MOGAT2: variants seen among roughly 807,000 people sequenced by gnomAD.
MOGAT2 encodes the protein 2-acylglycerol O-acyltransferase 2.
A neutral mutation model predicts 31.5 loss-of-function variants in MOGAT2; 27 were observed. The observed-to-expected ratio is 0.86, with a 90% confidence interval of 0.63 to 1.18. The LOEUF (loss-of-function observed/expected upper bound fraction) is 1.18. MOGAT2 is among the 50% of genes most tolerant of loss of function. The pLI is 0.00. For missense variants in MOGAT2, 436 were observed against 433.2 expected, an observed-to-expected ratio of 1.01 and a Z score of -0.06; for synonymous variants, 163 against 170.0, an observed-to-expected ratio of 0.96 and a Z score of 0.32.
intron 2 of MOGAT2, among the ~76,000 whole-genome samples, chr11:75,724,639 G>A (rs1332063288): frequency 6.6e-6 from 1 of 151,894 alleles, no homozygotes; most frequent in African/African-American, 2.4e-5. Context: ...TCCAGCCTGG[G>A]TGACAGAGTG....
In MOGAT2 at chr11:75,720,086, C is replaced by T. The variant is rs748862782; in HGVS notation, c.186C>T (p.Asp62=). The change falls in exon 2 of 6, where the codon GAC becomes GAT. Residue 62 remains aspartate (D), a synonymous_variant. Transcript: ENST00000198801. ...LYAAWWYLDR[D]KPRQGGRHIQ... ...CGGCCTGGTGGTATCTGGACCGAGA[C>T]AAGCCACGGCAGGGGGGCCGGCACA... 1.3e-5 allele frequency: 21 copies of T among 1,614,096 alleles called. No homozygotes were observed. The highest frequency in any genetic ancestry group is 1.7e-5 in the Admixed American group (1 of 60,012).
chr11:75,718,484 G>A (rs890546122), intron 1 of MOGAT2, among the ~76,000 whole-genome samples: 4 of 152,272 alleles, frequency 2.6e-5, no homozygotes, highest in African/African-American at 4.8e-5. Context: ...CAGGAAACCC[G>A]GAGTCAGACT....
intron 1 of MOGAT2, 34 bp downstream of exon 1, chr11:75,718,013 C>T: frequency 6.3e-7 from 1 of 1,599,964 alleles, no homozygotes; most frequent in Non-Finnish European, 8.6e-7. Context: ...CGGGAGACCA[C>T]CGCACTCAGG....
intron 5 of MOGAT2, 98 bp downstream of exon 5, chr11:75,729,087 C>CCATTAGGGCAGGAA: frequency 1.8e-6 from 2 of 1,115,968 alleles, no homozygotes; most frequent in Non-Finnish European, 2.7e-6. Flanking sequence ...TATTCCTGCC[C>CCATTAGGGCAGGAA]TAATGGGGCT....
In MOGAT2 at chr11:75,719,992, C is replaced by T. The variant is rs775073027; in HGVS notation, c.92C>T (p.Ala31Val). The T allele has an allele frequency of 6.2e-7, 1 of 1,612,962 alleles. No homozygotes were observed. Among genetic ancestry groups the T allele is most frequent in the African/African-American group, 1.3e-5 (1 of 74,956 alleles). Residue 31 changes from alanine (A) to valine (V), a missense_variant and splice_region_variant, in exon 2 of 6, where the codon GCC (alanine) becomes GTC (valine). Coordinates refer to ENST00000198801, the MANE Select transcript of MOGAT2 (RefSeq NM_025098.4). Reference sequence around the variant, plus strand: ...TGACAGCTCCTTCTTCCCTCCCCAGCCGAGATCTGCACTGTGGGCTTCATA... The same window carrying T: ...TGACAGCTCCTTCTTCCCTCCCCAGTCGAGATCTGCACTGTGGGCTTCATA... ...LQFVFSFLAL[A>V]EICTVGFIAL...
At chr11:75,726,527 T>C (rs1488321330) in intron 2 of MOGAT2, among the ~76,000 whole-genome samples, 1 of 152,172 alleles carries the variant, frequency 6.6e-6, no homozygotes, top group African/African-American at 2.4e-5. Flanking sequence ...CTCTAGAATA[T>C]GTATGACACC....
intron 2 of MOGAT2, among the ~76,000 whole-genome samples, chr11:75,724,212 C>G (rs1944400052): frequency 6.6e-6 from 1 of 152,220 alleles, no homozygotes; most frequent in Non-Finnish European, 1.5e-5. Context: ...CTGTACCAGC[C>G]TCATCCATTG....
At chr11:75,718,005 G>A in intron 1 of MOGAT2, 26 bp downstream of exon 1, 1 of 1,608,420 alleles carries the variant, frequency 6.2e-7, no homozygotes, top group Non-Finnish European at 8.5e-7. Flanking sequence ...CTGTAAGACG[G>A]GAGACCACCG....
intron 2 of MOGAT2, among the ~76,000 whole-genome samples, chr11:75,722,622 G>A (rs73502466): frequency 0.073 from 11,108 of 152,314 alleles, 682 homozygotes; most frequent in African/African-American, 0.17. Flanking sequence ...AGAGGAGGCT[G>A]GGGAGGCCCT....
In MOGAT2 at chr11:75,732,043, A is replaced by G. The variant is rs975694101; in HGVS notation, c.*757A>G. ...ACTCAGCATCCTTCCATGACCCTCCATTGCTCCTAGGATAGGGTTTGGACC... is the reference window on the plus strand; with the variant it reads ...ACTCAGCATCCTTCCATGACCCTCCGTTGCTCCTAGGATAGGGTTTGGACC... On this transcript the variant is annotated 3_prime_UTR_variant, in exon 6 of 6. Transcript: ENST00000198801. The G allele has an allele frequency of 7.2e-5, 11 of 152,262 alleles. No individual in the cohort carries two copies. The highest frequency in any genetic ancestry group is 2.7e-4 in the African/African-American group (11 of 41,418). The allele number at this position is 152,262 out of a possible 1,614,324, so 9.4% of individuals were successfully genotyped here. A position where few individuals can be genotyped will look rare whatever the true frequency, so the allele number is the denominator to read the frequency against.
chr11:75,720,927 G>A (rs192301429), intron 2 of MOGAT2, among the ~76,000 whole-genome samples: 32 of 152,196 alleles, frequency 2.1e-4, no homozygotes, highest in Admixed American at 4.6e-4. Context: ...CAGATCTTTC[G>A]GCTCCTTCAA....
chr11:75,722,592 A>G (rs1348874073), intron 2 of MOGAT2, among the ~76,000 whole-genome samples: 2 of 152,222 alleles, frequency 1.3e-5, no homozygotes, highest in Non-Finnish European at 2.9e-5. Context: ...CAGCGCGGCT[A>G]AAGCAGAAGG....
At chr11:75,726,374 A>T (rs548831366) in intron 2 of MOGAT2, among the ~76,000 whole-genome samples, 13 of 152,184 alleles carry the variant, frequency 8.5e-5, no homozygotes, top group Admixed American at 3.3e-4. Flanking sequence ...TGAAGTGCCA[A>T]TTTTTTGCCC....
At chr11:75,720,313 G>A (rs1053880192) in intron 2 of MOGAT2, 143 bp downstream of exon 2, 38 of 848,274 alleles carry the variant, frequency 4.5e-5, no homozygotes, top group South Asian at 2.6e-4. Context: ...TAGGGCTTCC[G>A]CTACTATGTG....
At chr11:75,728,659 A>C in intron 4 of MOGAT2, 131 bp from the exon 5 acceptor site, 1 of 749,156 alleles carries the variant, frequency 1.3e-6, no homozygotes, top group Non-Finnish European at 2.2e-6. Flanking sequence ...CCAGGCCTCC[A>C]CCTCCAGCCC....
intron 2 of MOGAT2, among the ~76,000 whole-genome samples, chr11:75,725,372 C>G (rs1403219407): frequency 6.6e-6 from 1 of 151,998 alleles, no homozygotes; most frequent in Admixed American, 6.6e-5. Flanking sequence ...TGGTGAAACA[C>G]CCTGTCTCTA....
intron 3 of MOGAT2, 57 bp downstream of exon 3, chr11:75,727,696 C>T (rs1944434178): frequency 6.6e-7 from 1 of 1,516,342 alleles, no homozygotes; most frequent in African/African-American, 1.4e-5. Flanking sequence ...GGAAGGGTTG[C>T]CAATAGTTCT....
chr11:75,724,916 C>T (rs1944407923), intron 2 of MOGAT2, among the ~76,000 whole-genome samples: 1 of 152,184 alleles, frequency 6.6e-6, no homozygotes, highest in Admixed American at 6.5e-5. Context: ...AGCTGCTGTA[C>T]TTCTCTATGG....
intron 2 of MOGAT2, among the ~76,000 whole-genome samples, chr11:75,722,809 G>A (rs183846688): frequency 5.5e-4 from 84 of 152,342 alleles, no homozygotes; most frequent in Admixed American, 2.5e-3. Flanking sequence ...GCAGCTCTGC[G>A]CCTACCCTAT....
Sources: gnomAD v4.1 joint callset for allele counts (sites outside exome capture counted in the v4.1 genomes callset) on GRCh38, gnomAD v4.1.1 for gene constraint, MANE v1.5 for transcripts, NCBI Gene and HGNC (gene_info 2026-07-23, HGNC 2026-07-21) for gene names.